Variants in NCALD observed in about 807,000 individuals in gnomAD.
The protein encoded by NCALD is neurocalcin-delta.
Under a neutral mutation model 18.6 loss-of-function variants are expected in NCALD, and 10 were observed. That is an observed-to-expected ratio of 0.54 (90% confidence interval 0.33 to 0.91). NCALD has a LOEUF of 0.91. Ranked by LOEUF, NCALD falls within the 40% of genes least tolerant of loss-of-function variation. The pLI is 0.03. For missense variants in NCALD, 184 were observed against 247.6 expected, an observed-to-expected ratio of 0.74 and a Z score of 1.72; for synonymous variants, 88 against 87.4, an observed-to-expected ratio of 1.01 and a Z score of -0.04.
intron 4 of NCALD, among the ~76,000 whole-genome samples, chr8:101,833,390 A>G (rs1264108005): frequency 6.6e-6 from 1 of 152,188 alleles, no homozygotes; most frequent in Non-Finnish European, 1.5e-5. Context: ...GTGATGCAAA[A>G]AGGTTAAGTA....
intron 1 of NCALD, among the ~76,000 whole-genome samples, chr8:102,081,580 C>CCCCA (rs765058767): frequency 0.11 from 13,423 of 123,540 alleles, 1,691 homozygotes; most frequent in African/African-American, 0.33. Context: ...AAAAAAACCC[C>CCCCA]AAAAAAAACT....
intron 2 of NCALD, among the ~76,000 whole-genome samples, chr8:101,710,587 G>A (rs1180100783): frequency 3.9e-5 from 6 of 152,318 alleles, no homozygotes; most frequent in Non-Finnish European, 8.8e-5. Context: ...AGGGAGGGGC[G>A]TCTGCCATTA....
At chr8:101,697,968 A>G (rs1406247700) in intron 2 of NCALD, among the ~76,000 whole-genome samples, 2 of 152,156 alleles carry the variant, frequency 1.3e-5, no homozygotes, top group East Asian at 3.8e-4. Context: ...GAAATAAAGC[A>G]TATTCAAATA....
intron 1 of NCALD, among the ~76,000 whole-genome samples, chr8:102,081,584 A>G (rs1824539619): frequency 6.7e-6 from 1 of 148,600 alleles, no homozygotes; most frequent in Non-Finnish European, 1.5e-5. Flanking sequence ...AAACCCCAAA[A>G]AAAACTGGCT....
chr8:101,943,952 A>G (rs1026069818), intron 2 of NCALD, among the ~76,000 whole-genome samples: 1 of 139,554 alleles, frequency 7.2e-6, no homozygotes, highest in Non-Finnish European at 1.6e-5. Flanking sequence ...AAAAAACAAA[A>G]CAAAAAACAA....
chr8:101,846,109 T>C (rs1048136741), intron 4 of NCALD, among the ~76,000 whole-genome samples: 2 of 152,250 alleles, frequency 1.3e-5, no homozygotes, highest in Admixed American at 6.5e-5. Context: ...ATATCTTGGC[T>C]ACTGTGAACA....
chr8:101,919,242 T>C (rs1416346005), intron 2 of NCALD, among the ~76,000 whole-genome samples: 1 of 152,196 alleles, frequency 6.6e-6, no homozygotes, highest in Non-Finnish European at 1.5e-5. Flanking sequence ...TACAGCTATC[T>C]GATCTTCAAC....
chr8:102,027,656 G>T (rs533751777), intron 1 of NCALD, among the ~76,000 whole-genome samples: 1 of 152,002 alleles, frequency 6.6e-6, no homozygotes, highest in African/African-American at 2.4e-5. Flanking sequence ...TTACAGCAGC[G>T]CCCTACACCC....
At position 101,764,079 on chromosome 8, in the gene NCALD, A is replaced by T. The variant is rs117056632; in HGVS notation, c.-20+26783T>A. ...GCACTGAGCTTGGGATGCCCATTAGATATTCTAGTCGAGTAGTAGGTGGAC... is the reference window on the plus strand; with the variant it reads ...GCACTGAGCTTGGGATGCCCATTAGTTATTCTAGTCGAGTAGTAGGTGGAC... On this transcript the variant is annotated intron_variant, in intron 1 of 3. Transcript: ENST00000220931. 7.0e-3 allele frequency among the ~76,000 whole-genome samples: 1,069 copies of T among 151,788 alleles called. 35 individuals carry two copies. Among genetic ancestry groups the T allele is most frequent in the Admixed American group, 0.05 (758 of 15,186 alleles).
At chr8:101,691,949 C>T (rs1814748185) in intron 3 of NCALD, 2 of 985,294 alleles carry the variant, frequency 2.0e-6, no homozygotes, top group Admixed American at 6.1e-5. Context: ...GAGCTGAGCT[C>T]TTTAAACTCA....
At chr8:101,734,709 C>T (rs1816996743) in intron 1 of NCALD, among the ~76,000 whole-genome samples, 1 of 152,188 alleles carries the variant, frequency 6.6e-6, no homozygotes, top group African/African-American at 2.4e-5. Flanking sequence ...ATTCAAGGAA[C>T]TCCTGCTGCA....
At chr8:101,763,086 A>G (rs908328393) in intron 1 of NCALD, among the ~76,000 whole-genome samples, 2 of 152,234 alleles carry the variant, frequency 1.3e-5, no homozygotes, top group African/African-American at 2.4e-5. Flanking sequence ...TATCGAGTGT[A>G]TGTATACTAC....
At chr8:101,970,234 C>T (rs1820189626) in intron 2 of NCALD, among the ~76,000 whole-genome samples, 1 of 152,246 alleles carries the variant, frequency 6.6e-6, no homozygotes, top group Admixed American at 6.5e-5. Context: ...TTAATGCCTT[C>T]TACTTTTTAA....
chr8:101,694,102 AT>A (rs1467155972), intron 2 of NCALD: 1 of 152,138 alleles, frequency 6.6e-6, no homozygotes, highest in African/African-American at 2.4e-5. Flanking sequence ...ATGAAAAGTC[AT>A]TGTTTTTATC....
At chr8:102,073,752 G>A (rs944758230) in intron 1 of NCALD, among the ~76,000 whole-genome samples, 1 of 152,136 alleles carries the variant, frequency 6.6e-6, no homozygotes, top group Non-Finnish European at 1.5e-5. Flanking sequence ...GGGCACACAA[G>A]CCCCTTTGAA....
At chr8:101,862,864 A>G (rs1815601958) in intron 4 of NCALD, among the ~76,000 whole-genome samples, 1 of 152,184 alleles carries the variant, frequency 6.6e-6, no homozygotes, top group Non-Finnish European at 1.5e-5. Flanking sequence ...TTATTAATAA[A>G]ATCCATTTGT....
intron 2 of NCALD, among the ~76,000 whole-genome samples, chr8:101,963,384 T>A (rs1819905893): frequency 6.6e-6 from 1 of 152,158 alleles, no homozygotes; most frequent in Non-Finnish European, 1.5e-5. Flanking sequence ...TCCACTTCCT[T>A]GTCTAGATCT....
At chr8:102,070,580 G>A (rs1824150181) in intron 1 of NCALD, among the ~76,000 whole-genome samples, 1 of 152,136 alleles carries the variant, frequency 6.6e-6, no homozygotes, top group African/African-American at 2.4e-5. Context: ...CTGTTTAAAT[G>A]TCTAACAGCA....
intron 1 of NCALD, among the ~76,000 whole-genome samples, chr8:102,093,068 G>T (rs150308084): frequency 3.3e-5 from 5 of 151,900 alleles, no homozygotes; most frequent in African/African-American, 9.7e-5. Context: ...TGAGGAGGGA[G>T]TATCACCTGA....
Sources: gnomAD v4.1 joint callset for allele counts (sites outside exome capture counted in the v4.1 genomes callset) on GRCh38, gnomAD v4.1.1 for gene constraint, MANE v1.5 for transcripts, NCBI Gene and HGNC (gene_info 2026-07-23, HGNC 2026-07-21) for gene names.